KIF21A: variants seen among roughly 807,000 people sequenced by gnomAD.
The protein encoded by KIF21A is kinesin-like protein KIF21A.
A neutral mutation model predicts 202.9 loss-of-function variants in KIF21A; 114 were observed. The ratio of observed to expected loss-of-function variants is 0.56; its 90% CI spans 0.48 to 0.66. KIF21A has a LOEUF of 0.66. Ranked by LOEUF, KIF21A falls within the 30% of genes least tolerant of loss-of-function variation. The probability of loss-of-function intolerance (pLI) is 0.00; values close to 1 mark genes in which losing one functional copy is unlikely to be tolerated. For synonymous variants in KIF21A, 667 were observed against 670.8 expected (o/e 0.99, Z 0.09); for missense variants, 1,677 against 1,994.9 (o/e 0.84, Z 3.04).
At position 39,322,903 on chromosome 12, in the gene KIF21A, A is replaced by T. The variant is rs1945435430; in HGVS notation, c.3457-21T>A. 2.0e-6 allele frequency: 3 copies of T among 1,487,582 alleles called. No homozygotes were observed. In the South Asian group the frequency reaches 4.4e-5, roughly 22 times the overall value. 92.1% of individuals were successfully genotyped at this position (1,487,582 alleles called of 1,614,324 possible). A position where few individuals can be genotyped will look rare whatever the true frequency, so the allele number is the denominator to read the frequency against. On this transcript the variant is annotated intron_variant, in intron 26 of 37. Transcript: ENST00000361418. Reference sequence around the variant, plus strand: ...CGGGCCTAGTCAAAGAATGGAAGGAAAAGCAATCAGGAGCAAACTCTTGCA... The same window carrying T: ...CGGGCCTAGTCAAAGAATGGAAGGATAAGCAATCAGGAGCAAACTCTTGCA...
intron 1 of KIF21A, among the ~76,000 whole-genome samples, chr12:39,392,101 CAG>C (rs1489672858): frequency 6.6e-6 from 1 of 152,026 alleles, no homozygotes; most frequent in Admixed American, 6.6e-5. Flanking sequence ...AAGCACAAGT[CAG>C]GGGATAAGAC....
rs780459208 is a variant in KIF21A, at chr12:39,368,009, G to A, written c.474C>T (p.Asp158=). 6.9e-6 allele frequency: 11 copies of A among 1,593,280 alleles called. No homozygotes were observed. The Admixed American group carries it at 1.8e-4, about 27-fold the overall frequency. ...FLELYNEEVL[D]LFDTTRDIDA... Reference sequence around the variant, plus strand: ...CAATATCACGAGTGGTATCAAATAAGTCAAGGACCTCTTCATTATAGAGCT... The same window carrying A: ...CAATATCACGAGTGGTATCAAATAAATCAAGGACCTCTTCATTATAGAGCT... The change falls in exon 4 of 38, where the codon GAC becomes GAT. Residue 158 remains aspartate (D), a synonymous_variant. Transcript: ENST00000361418.
chr12:39,311,734 T>C (rs1944055275), intron 31 of KIF21A, 181 bp from the exon 32 acceptor site: 1 of 626,454 alleles, frequency 1.6e-6, no homozygotes, highest in African/African-American at 1.8e-5. Flanking sequence ...AGTGATGGAG[T>C]ATATCAACTA....
intron 1 of KIF21A, among the ~76,000 whole-genome samples, chr12:39,388,133 G>GT (rs949276545): frequency 1.1e-4 from 16 of 152,290 alleles, no homozygotes; most frequent in Admixed American, 3.3e-4. Flanking sequence ...AATAGGAGGT[G>GT]TTTGGGTCAT....
At chr12:39,294,555 G>A in intron 37 of KIF21A, 38 bp from the exon 38 acceptor site, 1 of 1,447,768 alleles carries the variant, frequency 6.9e-7, no homozygotes, top group African/African-American at 1.4e-5. Context: ...ATATGAACAA[G>A]GGCAGAAAGA....
Position 39,311,432 on chromosome 12 carries a change from AGAG to A in KIF21A, c.4078_4080del (p.Leu1360del), listed in dbSNP as rs773322171. The A allele has an allele frequency of 6.2e-7, 1 of 1,613,034 alleles. No homozygotes were observed. The highest frequency in any genetic ancestry group is 8.5e-7 in the Non-Finnish European group (1 of 1,179,136). ...CTACTAGCACCTTTTGATCCAGTGA[AGAG>A]GAGATCATCAGTAGAATCCACACAG... On this transcript the variant is annotated inframe_deletion, in exon 32 of 38. Coordinates refer to ENST00000361418, the MANE Select transcript of KIF21A (RefSeq NM_001173464.2).
chr12:39,439,042 T>C (rs908039244), intron 1 of KIF21A, among the ~76,000 whole-genome samples: 4 of 152,154 alleles, frequency 2.6e-5, no homozygotes, highest in South Asian at 2.1e-4. Flanking sequence ...TACCTGATTA[T>C]TGAGTCAAAA....
At chr12:39,336,299 A>C in intron 17 of KIF21A, among the ~76,000 whole-genome samples, 1 of 152,272 alleles carries the variant, frequency 6.6e-6, no homozygotes, top group South Asian at 2.1e-4. Flanking sequence ...AAAATTTTGG[A>C]AAGAAGAAGA....
chr12:39,314,517 A>G (rs1174981769), intron 31 of KIF21A, among the ~76,000 whole-genome samples: 1 of 151,858 alleles, frequency 6.6e-6, no homozygotes, highest in Non-Finnish European at 1.5e-5. Context: ...GAAAATATAT[A>G]TGTATATATA....
At chr12:39,344,564 A>G (rs1032218448) in intron 12 of KIF21A, among the ~76,000 whole-genome samples, 1 of 152,186 alleles carries the variant, frequency 6.6e-6, no homozygotes, top group Non-Finnish European at 1.5e-5. Context: ...GACCCAACAT[A>G]TCGTTCTACT....
chr12:39,350,060 C>T (rs1948237738), intron 11 of KIF21A, among the ~76,000 whole-genome samples: 1 of 152,038 alleles, frequency 6.6e-6, no homozygotes, highest in African/African-American at 2.4e-5. Context: ...AGCTATCTTT[C>T]ATTTCTTATC....
intron 1 of KIF21A, among the ~76,000 whole-genome samples, chr12:39,436,422 T>TTTTATATATAGATATATA (rs1424497663): frequency 3.0e-5 from 3 of 99,116 alleles, no homozygotes; most frequent in Admixed American, 1.2e-4. Flanking sequence ...GTTTACTATA[T>TTTTATATATAGATATATA]TATATATATA....
rs111278572 is a variant in KIF21A, at chr12:39,373,193, T to C, written c.45-2932A>G. Among the ~76,000 whole-genome samples, 953 of 152,296 alleles carry C rather than the reference T, an allele frequency of 6.3e-3. 11 individuals carry two copies. The highest frequency in any genetic ancestry group is 0.022 in the African/African-American group (908 of 41,548). On this transcript the variant is annotated intron_variant, in intron 1 of 37. Transcript: ENST00000361418. ...ATCTCTAAATCCCTCTGCTTTGCCATGCTACATCTTTGCATTAAAGGATTT... is the reference window on the plus strand; with the variant it reads ...ATCTCTAAATCCCTCTGCTTTGCCACGCTACATCTTTGCATTAAAGGATTT...
chr12:39,411,292 G>A (rs1021727663), intron 1 of KIF21A, among the ~76,000 whole-genome samples: 1 of 152,138 alleles, frequency 6.6e-6, no homozygotes, highest in Non-Finnish European at 1.5e-5. Flanking sequence ...GCATAGACCA[G>A]AAACAGGAGC....
At chr12:39,343,613 T>G (rs1042400738) in intron 12 of KIF21A, among the ~76,000 whole-genome samples, 2 of 152,204 alleles carry the variant, frequency 1.3e-5, no homozygotes, top group Admixed American at 1.3e-4. Flanking sequence ...ATAACTTTAA[T>G]GATTAACTCT....
At chr12:39,362,633 T>TA (rs200456690) in intron 7 of KIF21A, among the ~76,000 whole-genome samples, 1 of 151,124 alleles carries the variant, frequency 6.6e-6, no homozygotes, top group South Asian at 2.1e-4. Flanking sequence ...TTTCCACGTA[T>TA]AAAAAAAAAT....
Position 39,356,826 on chromosome 12 carries a change from C to T in KIF21A, c.1469+6G>A, listed in dbSNP as rs374226913. 5 of 1,137,488 alleles carry T rather than the reference C, an allele frequency of 4.4e-6. No individual in the cohort carries two copies. Among genetic ancestry groups the T allele is most frequent in the Non-Finnish European group, 6.7e-6 (5 of 748,934 alleles). The allele number at this position is 1,137,488 out of a possible 1,614,324, so 70.5% of individuals were successfully genotyped here. A position where few individuals can be genotyped will look rare whatever the true frequency, so the allele number is the denominator to read the frequency against. ...TGCATTATATGTTACAGAACATGAA[C>T]TATACCTGAGATCTTCGATTTCTTT... On this transcript the variant is annotated splice_donor_region_variant and intron_variant, in intron 10 of 37. Transcript: ENST00000361418.
chr12:39,307,562 T>C lies in KIF21A; in HGVS notation c.4442+3A>G, dbSNP rs1856847129. ...AGAGGTATGTTTTCTTAAAAATATCTACCTTTTAAGATCCCACATCCTGAC... is the reference window on the plus strand; with the variant it reads ...AGAGGTATGTTTTCTTAAAAATATCCACCTTTTAAGATCCCACATCCTGAC... On this transcript the variant is annotated splice_donor_region_variant and intron_variant, in intron 34 of 37. Transcript: ENST00000361418. 3 of 1,613,436 alleles carry C rather than the reference T, an allele frequency of 1.9e-6. No homozygotes were observed. Among genetic ancestry groups the C allele is most frequent in the Non-Finnish European group, 1.7e-6 (2 of 1,179,356 alleles).
chr12:39,327,895 C>T (rs573787829), intron 24 of KIF21A, among the ~76,000 whole-genome samples: 12 of 152,164 alleles, frequency 7.9e-5, no homozygotes, highest in African/African-American at 2.9e-4. Context: ...TCCCAAATAC[C>T]CTAAAGTTAA....
Sources: gnomAD v4.1 joint callset for allele counts (sites outside exome capture counted in the v4.1 genomes callset) on GRCh38, gnomAD v4.1.1 for gene constraint, MANE v1.5 for transcripts, NCBI Gene and HGNC (gene_info 2026-07-23, HGNC 2026-07-21) for gene names.